GNL3L: variants seen among roughly 807,000 people sequenced by gnomAD.
GNL3L encodes the protein guanine nucleotide-binding protein-like 3-like protein.
GNL3L carries 4 observed loss-of-function variants against 42.9 expected under a neutral mutation model. The observed-to-expected ratio is 0.09, with a 90% CI of 0.05 to 0.21. The LOEUF is 0.21. GNL3L is among the 10% of genes least tolerant of loss of function. GNL3L has a pLI of 1.00. For missense variants in GNL3L, 412 were observed against 481.7 expected (o/e 0.86, Z 1.36); for synonymous variants, 159 against 176.3 (o/e 0.90, Z 0.78).
intron 4 of GNL3L, 71 bp from the exon 5 acceptor site, chrX:54,541,198 CTCTG>C (rs1171925826): frequency 2.7e-5 from 18 of 667,200 alleles, no homozygotes; most frequent in Non-Finnish European, 3.9e-5. Context: ...GCACCATTTC[CTCTG>C]TCTGTCACCC....
intron 16 of GNL3L, among the ~76,000 whole-genome samples, chrX:54,580,168 G>T (rs1925694339): frequency 1.4e-5 from 1 of 70,278 alleles, no homozygotes; most frequent in Admixed American, 2.2e-4. Flanking sequence ...CCTACAACAG[G>T]CCCCGGTGTG....
chrX:54,628,959 ATATAAAATATAAT>A, the GNL3L span, among the ~76,000 whole-genome samples: 2 of 85,836 alleles, frequency 2.3e-5, no homozygotes, highest in African/African-American at 1.2e-4. Context: ...TTATAATTAA[ATATAAAATATAAT>A]TATAAAATAT....
intron 2 of GNL3L, among the ~76,000 whole-genome samples, chrX:54,537,079 A>G (rs1353538240): frequency 9.7e-6 from 1 of 103,570 alleles, no homozygotes; most frequent in Non-Finnish European, 2.0e-5. Context: ...CTGGAGTGCA[A>G]TGGTGCCATC....
Position 54,562,146 on chromosome X carries a change from A to C in GNL3L, c.*1544A>C, listed in dbSNP as rs906638888. 3.6e-5 allele frequency among the ~76,000 whole-genome samples: 4 copies of C among 111,784 alleles called. No individual in the cohort carries two copies. The highest frequency in any genetic ancestry group is 1.3e-4 in the African/African-American group (4 of 30,701). On this transcript the variant is annotated 3_prime_UTR_variant, in exon 16 of 16. Coordinates refer to ENST00000360845, the MANE Select transcript of GNL3L (RefSeq NM_001184819.2). ...CTGCAACCTCTGCCTCCCGGGTTCA[A>C]GTGATCCTCCTGCCTTAGCCTCCCA...
chrX:54,547,323 T>C (rs146352911), intron 8 of GNL3L, among the ~76,000 whole-genome samples: 1 of 111,656 alleles, frequency 9.0e-6, no homozygotes, highest in East Asian at 2.8e-4. Context: ...ACAGCTGTAT[T>C]TCATTTGTAT....
At chrX:54,614,878 T>C (rs1194689590) in intron 16 of GNL3L, among the ~76,000 whole-genome samples, 1 of 111,365 alleles carries the variant, frequency 9.0e-6, no homozygotes, top group Non-Finnish European at 1.9e-5. Flanking sequence ...ATTTACAACG[T>C]GAGCTTCCAC....
intron 16 of GNL3L, among the ~76,000 whole-genome samples, chrX:54,609,422 C>G (rs1926137498): frequency 8.9e-6 from 1 of 112,405 alleles, no homozygotes. Context: ...AAATCCTTGC[C>G]TAAGCCAATG....
intron 14 of GNL3L, 68 bp downstream of exon 14, chrX:54,554,760 T>A (rs1175892356): frequency 1.0e-6 from 1 of 990,064 alleles, no homozygotes; most frequent in Non-Finnish European, 1.4e-6. Flanking sequence ...GTCAATCCCT[T>A]TTACCTGCCT....
downstream of GNL3L, among the ~76,000 whole-genome samples, chrX:54,570,595 T>C (rs1925530627): frequency 9.0e-6 from 1 of 111,543 alleles, no homozygotes; most frequent in South Asian, 3.7e-4. Context: ...ATTTGTTTTG[T>C]ATTTGTTCCA....
intron 2 of GNL3L, among the ~76,000 whole-genome samples, chrX:54,533,606 T>C (rs769451803): frequency 9.0e-6 from 1 of 110,777 alleles, no homozygotes; most frequent in East Asian, 2.8e-4. Context: ...TATTTTATTT[T>C]TTATGTTTTT....
chrX:54,552,411 A>T lies in GNL3L; in HGVS notation c.1301A>T (p.Asn434Ile), dbSNP rs1472111441. Residue 434 changes from asparagine to isoleucine, a missense_variant, in exon 13 of 16, where the codon AAT becomes ATT. Asn to Ile is a moderately radical substitution (Grantham distance 149). Transcript: ENST00000360845. ...GACATCGAGGATACTGAGCAGGCCA[A>T]TGAAGACACCATGGAATGTAAGTGT... ...VFDIEDTEQA[N>I]EDTMECLATG... 1 of 1,210,814 alleles carries T rather than the reference A, an allele frequency of 8.3e-7. No individual in the cohort carries two copies. The highest frequency in any genetic ancestry group is 1.1e-6 in the Non-Finnish European group (1 of 894,597).
At chrX:54,530,686 A>T (rs539684199) in intron 1 of GNL3L, among the ~76,000 whole-genome samples, 1 of 111,623 alleles carries the variant, frequency 9.0e-6, no homozygotes, top group Non-Finnish European at 1.9e-5. Flanking sequence ...CGACCCACCA[A>T]AGGCATGGGG....
chrX:54,615,840 G>A lies in GNL3L; in HGVS notation c.*46-5005G>A, dbSNP rs192424822. Among the ~76,000 whole-genome samples the A allele has an allele frequency of 2.4e-3, 272 of 111,058 alleles. 1 individual carries two copies. The highest frequency in any genetic ancestry group is 8.5e-3 in the African/African-American group (261 of 30,536). Reference sequence around the variant, plus strand: ...CTGCCTCAGCCTCCCGAGTAGCTGGGATTACAGGCGCCCACCACCACTCCC... The same window carrying A: ...CTGCCTCAGCCTCCCGAGTAGCTGGAATTACAGGCGCCCACCACCACTCCC... On this transcript the variant is annotated intron_variant, in intron 16 of 16. Coordinates refer to the GNL3L transcript ENST00000674498.
the GNL3L span, among the ~76,000 whole-genome samples, chrX:54,632,085 C>T: frequency 2.7e-5 from 3 of 112,035 alleles, no homozygotes; most frequent in African/African-American, 9.7e-5. Context: ...TTTAAGGAGG[C>T]TAAAAATAGG....
chrX:54,582,468 T>C (rs1925729186), intron 16 of GNL3L, among the ~76,000 whole-genome samples: 2 of 112,669 alleles, frequency 1.8e-5, no homozygotes, highest in Admixed American at 1.9e-4. Flanking sequence ...TCACCGACAA[T>C]GTATGAGTGA....
chrX:54,617,631 A>G (rs1281153269), intron 16 of GNL3L, among the ~76,000 whole-genome samples: 1 of 111,796 alleles, frequency 8.9e-6, no homozygotes, highest in African/African-American at 3.3e-5. Context: ...CTCCAAGGTG[A>G]TGGAATTAAG....
chrX:54,631,198 T>C, the GNL3L span, among the ~76,000 whole-genome samples: 1 of 111,652 alleles, frequency 9.0e-6, no homozygotes, highest in African/African-American at 3.3e-5. Flanking sequence ...ATGAATAGAA[T>C]GTGTATTCTA....
chrX:54,633,687 G>T, the GNL3L span, among the ~76,000 whole-genome samples: 1 of 110,659 alleles, frequency 9.0e-6, no homozygotes, highest in Non-Finnish European at 1.9e-5. Context: ...GGAAGTGGGG[G>T]AAAAGCCAGC....
rs766409315 is a variant in GNL3L, at chrX:54,563,815, A to T, written c.*3213A>T. Among the ~76,000 whole-genome samples, 7 of 111,093 alleles carry T rather than the reference A, an allele frequency of 6.3e-5. No homozygotes were observed. The East Asian group carries it at 2.0e-3, about 31-fold the overall frequency. On this transcript the variant is annotated 3_prime_UTR_variant, in exon 16 of 16. Coordinates refer to ENST00000360845, the MANE Select transcript of GNL3L (RefSeq NM_001184819.2). ...AAAAAAAAAGAGGAAAACAAAAAAG[A>T]CGTTGGGAGTGCAGTTTCTCTACCT...
Sources: gnomAD v4.1 joint callset for allele counts (sites outside exome capture counted in the v4.1 genomes callset) on GRCh38, gnomAD v4.1.1 for gene constraint, MANE v1.5 for transcripts, NCBI Gene and HGNC (gene_info 2026-07-23, HGNC 2026-07-21) for gene names.